PTPRN2: variants seen among roughly 807,000 people sequenced by gnomAD.
PTPRN2 encodes the protein protein tyrosine phosphatase receptor type N2, also known as receptor-type tyrosine-protein phosphatase N2.
A neutral mutation model predicts 118.8 loss-of-function variants in PTPRN2; 74 were observed. The ratio of observed to expected loss-of-function variants is 0.62; its 90% CI spans 0.52 to 0.76. PTPRN2 has a LOEUF of 0.76. PTPRN2 is among the 30% of genes least tolerant of loss of function. The probability of loss-of-function intolerance (pLI) is 0.00; values close to 1 mark genes in which losing one functional copy is unlikely to be tolerated. For synonymous variants in PTPRN2, 641 were observed against 608.0 expected, an observed-to-expected ratio of 1.05 and a Z score of -0.80; for missense variants, 1,481 against 1,394.4, an observed-to-expected ratio of 1.06 and a Z score of -0.99.
At chr7:158,493,292 C>T (rs1323181249) in intron 1 of PTPRN2, among the ~76,000 whole-genome samples, 1 of 152,264 alleles carries the variant, frequency 6.6e-6, no homozygotes, top group Non-Finnish European at 1.5e-5. Context: ...CATGCACACT[C>T]ATACATGCAT....
chr7:157,675,539 CA>C (rs11287663), intron 13 of PTPRN2, among the ~76,000 whole-genome samples: 129,585 of 152,192 alleles, frequency 0.85, 55,616 homozygotes, highest in Non-Finnish European at 0.91. Flanking sequence ...TTGCAGACAC[CA>C]ATGTCCTCAG....
At chr7:158,149,281 A>C (rs941839815) in intron 6 of PTPRN2, among the ~76,000 whole-genome samples, 2 of 152,174 alleles carry the variant, frequency 1.3e-5, no homozygotes, top group African/African-American at 2.4e-5. Flanking sequence ...AAAGACCTCC[A>C]AACTTTTATA....
chr7:158,247,702 C>T (rs766574984), intron 3 of PTPRN2, among the ~76,000 whole-genome samples: 4 of 152,236 alleles, frequency 2.6e-5, no homozygotes, highest in Middle Eastern at 3.4e-3. Context: ...CTGCAATCTC[C>T]GCCTCCCGGG....
intron 2 of PTPRN2, among the ~76,000 whole-genome samples, chr7:158,319,492 A>ACACAGC (rs1563131485): frequency 3.3e-5 from 1 of 30,390 alleles, no homozygotes; most frequent in Non-Finnish European, 7.1e-5. Flanking sequence ...CCTCCCTCAC[A>ACACAGC]CTCACACAGC....
At chr7:158,314,653 G>A (rs1007527458) in intron 3 of PTPRN2, among the ~76,000 whole-genome samples, 26 of 146,888 alleles carry the variant, frequency 1.8e-4, no homozygotes, top group South Asian at 4.5e-4. Flanking sequence ...GCTGCCCGGC[G>A]CCCTGGCCCA....
chr7:157,559,365 C>T (rs1428681279), intron 21 of PTPRN2, among the ~76,000 whole-genome samples: 1 of 152,196 alleles, frequency 6.6e-6, no homozygotes, highest in South Asian at 2.1e-4. Flanking sequence ...AACAGGGAGA[C>T]CCCTGCAGCC....
intron 13 of PTPRN2, among the ~76,000 whole-genome samples, chr7:157,675,395 C>A (rs1012859345): frequency 6.6e-6 from 1 of 152,214 alleles, no homozygotes; most frequent in South Asian, 2.1e-4. Flanking sequence ...GGCCCCGGAC[C>A]ACACAGGGGC....
At position 157,845,757 on chromosome 7, in the gene PTPRN2, C is replaced by T. The variant is rs1300341672; in HGVS notation, c.1788+52916G>A. 2.6e-5 allele frequency among the ~76,000 whole-genome samples: 4 copies of T among 152,002 alleles called. No homozygotes were observed. The highest frequency in any genetic ancestry group is 1.9e-4 in the East Asian group (1 of 5,186). ...TGCTCATGACTCACAGAGACGGGGA[C>T]GGCAGCAAGGACACAGCAGGGCCAT... On this transcript the variant is annotated intron_variant, in intron 12 of 22. Transcript: ENST00000389418. The surrounding 1 kb of genome is among the most constrained non-coding windows in gnomAD (Gnocchi z 4.5).
intron 13 of PTPRN2, among the ~76,000 whole-genome samples, chr7:157,682,205 G>C (rs1010823124): frequency 8.5e-5 from 13 of 152,102 alleles, no homozygotes; most frequent in African/African-American, 2.7e-4. Context: ...GGTGCCTCTA[G>C]AGAAGGTGTC....
intron 12 of PTPRN2, among the ~76,000 whole-genome samples, chr7:157,817,684 G>A (rs920472813): frequency 6.6e-6 from 1 of 152,234 alleles, no homozygotes; most frequent in East Asian, 1.9e-4. Context: ...TGGGGTGAGG[G>A]GGCCAAGGAG....
chr7:158,147,443 C>T (rs1820233214), intron 6 of PTPRN2, among the ~76,000 whole-genome samples: 2 of 80,446 alleles, frequency 2.5e-5, no homozygotes, highest in African/African-American at 7.1e-5. Flanking sequence ...CGTCTTTCCC[C>T]CTCAATGACA....
At chr7:158,159,541 C>G (rs548382258) in intron 6 of PTPRN2, among the ~76,000 whole-genome samples, 18 of 152,300 alleles carry the variant, frequency 1.2e-4, no homozygotes, top group Non-Finnish European at 2.9e-5. Flanking sequence ...CTGGAGGGCG[C>G]AGAACCAAGA....
intron 2 of PTPRN2, among the ~76,000 whole-genome samples, chr7:158,358,495 G>A (rs113823628): frequency 1.4e-4 from 22 of 152,296 alleles, no homozygotes; most frequent in African/African-American, 3.4e-4. Context: ...AAAGAAATAC[G>A]TGTATGTACC....
chr7:158,447,033 A>G (rs896218982), intron 2 of PTPRN2, among the ~76,000 whole-genome samples: 4 of 152,230 alleles, frequency 2.6e-5, no homozygotes, highest in Non-Finnish European at 5.9e-5. Context: ...CGCAGCTAGG[A>G]TGCCAGGTGG....
chr7:158,366,936 T>C lies in PTPRN2; in HGVS notation c.164-50004A>G, dbSNP rs555315104. ...GCCTTTGCCAATTCCAGGGAGTGTT[T>C]CTGCTACATAACCCTGTCTGTGCTG... On this transcript the variant is annotated intron_variant, in intron 2 of 22. Transcript: ENST00000389418. 4.6e-5 allele frequency among the ~76,000 whole-genome samples: 7 copies of C among 152,332 alleles called. No homozygotes were observed. In the South Asian group the frequency reaches 1.5e-3, roughly 32 times the overall value.
chr7:157,549,052 A>C (rs1477251468), intron 21 of PTPRN2, 33 bp from the exon 22 acceptor site: 9 of 1,596,146 alleles, frequency 5.6e-6, no homozygotes, highest in Non-Finnish European at 5.2e-6. Context: ...CTGAGTTCAG[A>C]GCACAAGATA....
chr7:158,130,568 T>C (rs981963438), intron 9 of PTPRN2, among the ~76,000 whole-genome samples: 5 of 147,814 alleles, frequency 3.4e-5, no homozygotes, highest in Non-Finnish European at 7.4e-5. Context: ...TACACTCATA[T>C]ACACACATGC....
At chr7:157,967,063 T>C (rs1325389807) in intron 11 of PTPRN2, among the ~76,000 whole-genome samples, 1 of 152,256 alleles carries the variant, frequency 6.6e-6, no homozygotes, top group Non-Finnish European at 1.5e-5. Flanking sequence ...CTCATGCCCA[T>C]AATCCCAACA....
Position 158,212,128 on chromosome 7 carries a change from T to C in PTPRN2, c.278-6855A>G, listed in dbSNP as rs1033606757. 4.6e-5 allele frequency among the ~76,000 whole-genome samples: 7 copies of C among 152,156 alleles called. No individual in the cohort carries two copies. The East Asian group carries it at 1.3e-3, about 29-fold the overall frequency. On this transcript the variant is annotated intron_variant, in intron 3 of 22. Transcript: ENST00000389418. ...AAGCCAGACATAGAAAGACAAACTT[T>C]GCATGTTCTCACCGATTTGTGGGAA... is the stretch of plus-strand genomic sequence containing the variant.
Sources: gnomAD v4.1 joint callset for allele counts (sites outside exome capture counted in the v4.1 genomes callset) on GRCh38, gnomAD v4.1.1 for gene constraint, Gnocchi (gnomAD v3.1) non-coding constraint, MANE v1.5 for transcripts, NCBI Gene and HGNC (gene_info 2026-07-23, HGNC 2026-07-21) for gene names.